The following IGF2BP3 variants were observed in gnomAD, a reference collection of about 807,000 sequenced individuals.
The protein encoded by IGF2BP3 is insulin like growth factor 2 mRNA binding protein 3.
A neutral mutation model predicts 73.8 loss-of-function variants in IGF2BP3; 9 were observed. The observed-to-expected ratio is 0.12, with a 90% CI of 0.07 to 0.21. The LOEUF is 0.21. Ranked by LOEUF, IGF2BP3 falls within the 10% of genes least tolerant of loss-of-function variation. The pLI is 1.00. For synonymous variants in IGF2BP3, 258 were observed against 256.7 expected, an observed-to-expected ratio of 1.01 and a Z score of -0.05; for missense variants, 542 against 714.0, an observed-to-expected ratio of 0.76 and a Z score of 2.75.
At chr7:23,405,824 T>C (rs1193488847) in intron 3 of IGF2BP3, among the ~76,000 whole-genome samples, 2 of 152,184 alleles carry the variant, frequency 1.3e-5, no homozygotes, top group Admixed American at 6.5e-5. Context: ...CAGGGCTGTA[T>C]GGATTTCCTG....
At chr7:23,364,244 C>G (rs567134127) in intron 3 of IGF2BP3, among the ~76,000 whole-genome samples, 1 of 151,740 alleles carries the variant, frequency 6.6e-6, no homozygotes, top group Non-Finnish European at 1.5e-5. Context: ...CACGGTGGTG[C>G]GCGCTTGTAG....
intron 3 of IGF2BP3, among the ~76,000 whole-genome samples, chr7:23,371,425 T>C (rs932182340): frequency 1.3e-5 from 2 of 152,198 alleles, no homozygotes; most frequent in African/African-American, 2.4e-5. Context: ...TTGTGAGAAA[T>C]GGCTATATTA....
intron 2 of IGF2BP3, among the ~76,000 whole-genome samples, chr7:23,426,292 C>A (rs1341963785): frequency 1.5e-5 from 2 of 131,608 alleles, no homozygotes; most frequent in East Asian, 4.5e-4. Flanking sequence ...TGCACTCCAG[C>A]CTGGGCAGTA....
chr7:23,347,661 T>A lies in IGF2BP3; in HGVS notation c.757A>T (p.Thr253Ser). 6.2e-7 allele frequency: 1 copy of A among 1,614,012 alleles called. No individual in the cohort carries two copies. Among genetic ancestry groups the A allele is most frequent in the Non-Finnish European group, 8.5e-7 (1 of 1,180,000 alleles). Residue 253 changes from threonine to serine, a missense_variant, in exon 7 of 15, where the codon ACC becomes TCC. This residue lies in a region of IGF2BP3 where 303 missense variants were observed against 472.1 expected (regional missense o/e 0.64). Transcript: ENST00000258729. ...SITILSTPEG[T>S]SAACKSILEI... ...AGAATAGACTTACAAGCCGCAGAGG[T>A]GCCTTCAGGAGTAGAGAGGATAGTA...
intron 9 of IGF2BP3, 142 bp downstream of exon 9, chr7:23,343,576 C>G: frequency 1.4e-6 from 1 of 736,606 alleles, no homozygotes; most frequent in Non-Finnish European, 2.3e-6. Flanking sequence ...CCTACTATCC[C>G]AGGGTACTTG....
chr7:23,450,531 CT>C (rs1173999825), intron 2 of IGF2BP3: 1 of 152,118 alleles, frequency 6.6e-6, no homozygotes, highest in Non-Finnish European at 1.5e-5. Context: ...CCTCCCAATC[CT>C]CGTGGATAAA....
At chr7:23,458,605 C>A (rs770639851) in intron 2 of IGF2BP3, among the ~76,000 whole-genome samples, 20 of 152,168 alleles carry the variant, frequency 1.3e-4, no homozygotes, top group Non-Finnish European at 2.9e-4. Flanking sequence ...CTGCTCTAAC[C>A]TCCTATCTCT....
chr7:23,402,328 A>C (rs983429619), intron 3 of IGF2BP3: 7 of 152,228 alleles, frequency 4.6e-5, no homozygotes, highest in African/African-American at 1.7e-4. Flanking sequence ...GTAAGTATAT[A>C]AAGCTAAGAA....
chr7:23,423,030 C>T (rs1031515908), intron 2 of IGF2BP3, among the ~76,000 whole-genome samples: 7 of 152,230 alleles, frequency 4.6e-5, no homozygotes, highest in African/African-American at 1.7e-4. Context: ...CCGCCTCAGC[C>T]TCCCGAAGTG....
chr7:23,438,705 T>A (rs1171798887), intron 2 of IGF2BP3, among the ~76,000 whole-genome samples: 4 of 152,350 alleles, frequency 2.6e-5, no homozygotes, highest in African/African-American at 7.2e-5. Flanking sequence ...AAATAATCTT[T>A]AAAAATTTAG....
At chr7:23,362,529 T>A (rs1414319529) in intron 3 of IGF2BP3, 1 of 152,178 alleles carries the variant, frequency 6.6e-6, no homozygotes, top group Non-Finnish European at 1.5e-5. Context: ...GTTTTTACCA[T>A]CTTTCCTGTA....
intron 3 of IGF2BP3, among the ~76,000 whole-genome samples, chr7:23,377,146 AT>A (rs1379179592): frequency 3.9e-5 from 6 of 152,224 alleles, no homozygotes; most frequent in African/African-American, 7.2e-5. Context: ...GAACAAAAAA[AT>A]AAAACCTTTG....
intron 10 of IGF2BP3, among the ~76,000 whole-genome samples, chr7:23,330,233 C>A (rs1227143461): frequency 6.6e-6 from 1 of 151,742 alleles, no homozygotes; most frequent in East Asian, 1.9e-4. Context: ...CTACAGTGAG[C>A]AGAGATCACA....
intron 2 of IGF2BP3, among the ~76,000 whole-genome samples, chr7:23,419,999 G>C (rs1292953349): frequency 1.3e-5 from 2 of 152,190 alleles, no homozygotes; most frequent in South Asian, 2.1e-4. Context: ...ATGTATAAGG[G>C]AAGGAAGAGG....
chr7:23,453,370 T>C (rs546335895), intron 2 of IGF2BP3, among the ~76,000 whole-genome samples: 229 of 152,320 alleles, frequency 1.5e-3, no homozygotes, highest in African/African-American at 5.1e-3. Context: ...AGAGATCTTT[T>C]TTGCTCGAAA....
intron 3 of IGF2BP3, among the ~76,000 whole-genome samples, chr7:23,377,310 C>A (rs1439245778): frequency 6.6e-6 from 1 of 152,092 alleles, no homozygotes; most frequent in Non-Finnish European, 1.5e-5. Context: ...TTTTTTTATG[C>A]AGAGGAAGTG....
chr7:23,466,369 T>A (rs1788567064), intron 2 of IGF2BP3, among the ~76,000 whole-genome samples: 1 of 152,244 alleles, frequency 6.6e-6, no homozygotes, highest in African/African-American at 2.4e-5. Context: ...GGAACATGAT[T>A]GTTCTATCAG....
intron 3 of IGF2BP3, chr7:23,365,570 G>C (rs374533515): frequency 1.3e-5 from 2 of 152,186 alleles, no homozygotes; most frequent in East Asian, 3.9e-4. Flanking sequence ...AAAAAAAATC[G>C]GGGGACAATC....
At chr7:23,410,199 G>GA (rs897993322) in intron 3 of IGF2BP3, among the ~76,000 whole-genome samples, 7 of 150,120 alleles carry the variant, frequency 4.7e-5, no homozygotes, top group South Asian at 4.2e-4. Context: ...AGATACAAAA[G>GA]AAAAAAAAAT....
Sources: gnomAD v4.1 joint callset for allele counts (sites outside exome capture counted in the v4.1 genomes callset) on GRCh38, gnomAD v4.1.1 for gene constraint, gnomAD v4.1.1 regional missense constraint, MANE v1.5 for transcripts, NCBI Gene and HGNC (gene_info 2026-07-23, HGNC 2026-07-21) for gene names.